The following KCNT2 variants were observed in gnomAD, a reference collection of about 807,000 sequenced individuals.
KCNT2 encodes the protein potassium sodium-activated channel subfamily T member 2.
KCNT2 carries 67 observed loss-of-function variants against 153.8 expected under a neutral mutation model. That is an observed-to-expected ratio of 0.44 (90% CI 0.36 to 0.53). The LOEUF (loss-of-function observed/expected upper bound fraction) is 0.53, where lower values mean the gene tolerates loss of function less well. KCNT2 is among the 20% of genes least tolerant of loss of function. The pLI is 0.00. For synonymous variants in KCNT2, 500 were observed against 458.8 expected (o/e 1.09, Z -1.15); for missense variants, 975 against 1,354.8 (o/e 0.72, Z 4.40).
At chr1:196,561,754 C>T (rs1311828906) in intron 1 of KCNT2, among the ~76,000 whole-genome samples, 3 of 149,452 alleles carry the variant, frequency 2.0e-5, no homozygotes, top group Non-Finnish European at 4.4e-5. Context: ...GTGTCCAAAG[C>T]GGTTGGGATA....
chr1:196,271,151 C>A (rs1435893405), intron 25 of KCNT2, among the ~76,000 whole-genome samples: 1 of 151,882 alleles, frequency 6.6e-6, no homozygotes, highest in Non-Finnish European at 1.5e-5. Context: ...ACATGCAATG[C>A]TTTAATTAAA....
intron 1 of KCNT2, among the ~76,000 whole-genome samples, chr1:196,584,551 G>A (rs1022895921): frequency 6.6e-6 from 1 of 151,970 alleles, no homozygotes; most frequent in African/African-American, 2.4e-5. Flanking sequence ...TAGCAGAGAG[G>A]GGCATGCCTG....
At chr1:196,509,140 G>A (rs1450646259) in intron 1 of KCNT2, among the ~76,000 whole-genome samples, 2 of 151,884 alleles carry the variant, frequency 1.3e-5, no homozygotes, top group Admixed American at 6.6e-5. Context: ...TTGGTGGCGT[G>A]TGCCTGTAAT....
At chr1:196,428,560 A>G (rs1192355499) in intron 9 of KCNT2, among the ~76,000 whole-genome samples, 1 of 152,098 alleles carries the variant, frequency 6.6e-6, no homozygotes, top group Non-Finnish European at 1.5e-5. Flanking sequence ...AGTAGAGCTG[A>G]GTGAAAGAGA....
At chr1:196,265,987 C>T (rs1657502825) in intron 25 of KCNT2, among the ~76,000 whole-genome samples, 1 of 152,008 alleles carries the variant, frequency 6.6e-6, no homozygotes, top group Non-Finnish European at 1.5e-5. Flanking sequence ...AACAAAACAA[C>T]AAACAAACAA....
chr1:196,463,499 T>C (rs2148656728), intron 8 of KCNT2, among the ~76,000 whole-genome samples: 1 of 151,866 alleles, frequency 6.6e-6, no homozygotes, highest in African/African-American at 2.4e-5. Context: ...AAACTTAATG[T>C]TATGTAATTA....
chr1:196,483,200 G>A (rs2148708946), intron 3 of KCNT2, among the ~76,000 whole-genome samples: 1 of 152,240 alleles, frequency 6.6e-6, no homozygotes. Flanking sequence ...CAAAACTTGA[G>A]CATCCTTTTA....
chr1:196,473,336 T>G (rs1339667318), intron 5 of KCNT2, among the ~76,000 whole-genome samples: 3 of 152,200 alleles, frequency 2.0e-5, no homozygotes, highest in Non-Finnish European at 4.4e-5. Flanking sequence ...TTTATATACT[T>G]AAGACATTAC....
At chr1:196,432,200 G>A (rs1238924278) in intron 8 of KCNT2, among the ~76,000 whole-genome samples, 1 of 152,100 alleles carries the variant, frequency 6.6e-6, no homozygotes, top group Non-Finnish European at 1.5e-5. Context: ...CAATTTTGCA[G>A]GTGCGCAAAG....
chr1:196,388,855 A>G (rs961070773), intron 13 of KCNT2, among the ~76,000 whole-genome samples: 9 of 151,682 alleles, frequency 5.9e-5, no homozygotes, highest in African/African-American at 2.2e-4. Flanking sequence ...TTTCCTTTCT[A>G]ACATGTACAT....
intron 14 of KCNT2, among the ~76,000 whole-genome samples, chr1:196,361,568 C>T (rs1191562265): frequency 6.6e-6 from 1 of 152,008 alleles, no homozygotes; most frequent in African/African-American, 2.4e-5. Flanking sequence ...TAATAAGTAG[C>T]TACACTGTCT....
At chr1:196,312,939 G>A (rs1232525671) in intron 21 of KCNT2, among the ~76,000 whole-genome samples, 2 of 151,656 alleles carry the variant, frequency 1.3e-5, no homozygotes, top group Non-Finnish European at 2.9e-5. Flanking sequence ...CTGGAATGTT[G>A]TCATCTGCCT....
intron 1 of KCNT2, among the ~76,000 whole-genome samples, chr1:196,536,687 G>A (rs752177977): frequency 6.6e-5 from 10 of 152,120 alleles, no homozygotes; most frequent in Non-Finnish European, 8.8e-5. Flanking sequence ...TCCAGTCTGG[G>A]GGGTTGTTAC....
rs767162413 is a variant in KCNT2, at chr1:196,282,301, G to T, written c.2753C>A (p.Thr918Asn). ...SITRLLLGLD[T>N]TPGSGFLCSM... ...ACAAAGAAACCCAGATCCTGGTGTA[G>T]TGTCCAGTCCCAACAGAAGTCTCGT... Residue 918 changes from threonine to asparagine, a missense_variant, in exon 24 of 28, where the codon ACT (threonine) becomes AAT (asparagine). Coordinates refer to ENST00000294725, the MANE Select transcript of KCNT2 (RefSeq NM_198503.5). 3 of 1,600,692 alleles carry T rather than the reference G, an allele frequency of 1.9e-6. No individual in the cohort carries two copies. Among genetic ancestry groups the T allele is most frequent in the South Asian group, 2.2e-5 (2 of 90,564 alleles).
intron 7 of KCNT2, among the ~76,000 whole-genome samples, chr1:196,465,953 A>C (rs1275138006): frequency 6.6e-6 from 1 of 152,002 alleles, no homozygotes; most frequent in African/African-American, 2.4e-5. Flanking sequence ...TTTGTCCACC[A>C]CTCATTTAAC....
intron 25 of KCNT2, among the ~76,000 whole-genome samples, chr1:196,267,928 T>C (rs558321775): frequency 6.6e-6 from 1 of 152,028 alleles, no homozygotes; most frequent in Non-Finnish European, 1.5e-5. Context: ...CTATCCTAAA[T>C]CCCTTGGCTA....
chr1:196,289,333 A>G (rs529238977), intron 22 of KCNT2, among the ~76,000 whole-genome samples: 52 of 152,088 alleles, frequency 3.4e-4, no homozygotes, highest in Non-Finnish European at 6.6e-4. Context: ...TTTGAAACCT[A>G]TTACACCTTG....
At chr1:196,329,469 C>T (rs979288843) in intron 18 of KCNT2, among the ~76,000 whole-genome samples, 1 of 151,934 alleles carries the variant, frequency 6.6e-6, no homozygotes, top group South Asian at 2.1e-4. Flanking sequence ...AGATTGGGAT[C>T]TCTGTTTGGA....
intron 16 of KCNT2, among the ~76,000 whole-genome samples, chr1:196,335,772 C>T (rs1664964269): frequency 6.6e-6 from 1 of 152,052 alleles, no homozygotes; most frequent in African/African-American, 2.4e-5. Context: ...CATTTTTATG[C>T]ATTCACCCTT....
Sources: gnomAD v4.1 joint callset for allele counts (sites outside exome capture counted in the v4.1 genomes callset) on GRCh38, gnomAD v4.1.1 for gene constraint, MANE v1.5 for transcripts, NCBI Gene and HGNC (gene_info 2026-07-23, HGNC 2026-07-21) for gene names.